The following RFX3 variants were observed in gnomAD, a reference collection of about 807,000 sequenced individuals.
RFX3 encodes regulatory factor X3, also known as transcription factor RFX3.
Under a neutral mutation model 98.6 loss-of-function variants are expected in RFX3, and 14 were observed. The observed-to-expected ratio is 0.14, with a 90% confidence interval of 0.09 to 0.22. The LOEUF is 0.22. Among genes scored for constraint, RFX3 ranks in the 10% least tolerant of loss-of-function variants. RFX3 has a pLI of 1.00. For missense variants in RFX3, 639 were observed against 926.9 expected (o/e 0.69, Z 4.03); for synonymous variants, 383 against 328.4 (o/e 1.17, Z -1.80).
intron 5 of RFX3, among the ~76,000 whole-genome samples, chr9:3,297,863 A>T (rs1161278284): frequency 1.3e-5 from 2 of 152,050 alleles, no homozygotes; most frequent in East Asian, 1.9e-4. Flanking sequence ...TCATGCGATT[A>T]TTGGGAACAA....
chr9:3,279,375 G>C (rs1023608046), intron 7 of RFX3, among the ~76,000 whole-genome samples: 3 of 151,740 alleles, frequency 2.0e-5, no homozygotes, highest in Non-Finnish European at 4.4e-5. Context: ...GATTCACAGA[G>C]CTTGAATAAA....
chr9:3,336,319 T>C (rs564845339), intron 3 of RFX3, among the ~76,000 whole-genome samples: 1 of 152,070 alleles, frequency 6.6e-6, no homozygotes, highest in East Asian at 1.9e-4. Context: ...TCTACTATTA[T>C]TAGGGCTACG....
At chr9:3,319,149 G>A (rs1830971477) in intron 4 of RFX3, among the ~76,000 whole-genome samples, 1 of 152,216 alleles carries the variant, frequency 6.6e-6, no homozygotes. Context: ...TTTGTAGTTA[G>A]TCTCCGTAAT....
At chr9:3,327,184 G>A (rs1234364634) in intron 4 of RFX3, among the ~76,000 whole-genome samples, 2 of 151,766 alleles carry the variant, frequency 1.3e-5, no homozygotes, top group Non-Finnish European at 2.9e-5. Context: ...CCCATTTAAT[G>A]GCATGGCATC....
chr9:3,408,478 G>A (rs1358024971), intron 1 of RFX3, among the ~76,000 whole-genome samples: 5 of 152,006 alleles, frequency 3.3e-5, no homozygotes, highest in African/African-American at 1.2e-4. Context: ...TTTGTTACAA[G>A]GATCGGTCAA....
rs373954696 is a variant in RFX3 at position 3,368,927 on chromosome 9, T to A, written c.118-22163A>T. On this transcript the variant is annotated intron_variant, in intron 2 of 16. Coordinates refer to ENST00000617270, the MANE Select transcript of RFX3 (RefSeq NM_001282116.2). ...AATTTTATTTTGTAAGTAAGCTCCA[T>A]AAAGTCAGGAACAATGTCTATTTCT... Among the ~76,000 whole-genome samples the A allele has an allele frequency of 1.3e-3, 198 of 152,354 alleles. 1 individual carries two copies. Among genetic ancestry groups the A allele is most frequent in the African/African-American group, 4.5e-3 (188 of 41,588 alleles).
intron 2 of RFX3, among the ~76,000 whole-genome samples, chr9:3,361,758 G>A (rs1836487137): frequency 6.6e-6 from 1 of 151,132 alleles, no homozygotes; most frequent in South Asian, 2.1e-4. Flanking sequence ...GACCAGCCTA[G>A]ACAACATAGG....
intron 1 of RFX3, among the ~76,000 whole-genome samples, chr9:3,401,535 T>C (rs1389938154): frequency 2.0e-5 from 3 of 152,244 alleles, no homozygotes; most frequent in East Asian, 1.9e-4. Context: ...TCAAGTGATA[T>C]TTGTTTATCA....
rs1352802649 is a variant in RFX3 at position 3,218,383 on chromosome 9, C to G, written c.*6659G>C. ...AAACACAAGAAAGCTAGCCTGAGTT[C>G]AAGTCTGAAATATTCAGAAAAATCC... On this transcript the variant is annotated 3_prime_UTR_variant, in exon 17 of 17. Transcript: ENST00000617270. The G allele has an allele frequency of 1.3e-5, 2 of 152,112 alleles. No homozygotes were observed. The highest frequency in any genetic ancestry group is 2.9e-5 in the Non-Finnish European group (2 of 67,994). 9.4% of individuals were successfully genotyped at this position (152,112 alleles called of 1,614,324 possible).
intron 1 of RFX3, among the ~76,000 whole-genome samples, chr9:3,423,791 ATATATATATATAT>A (rs1564081649): frequency 2.4e-5 from 3 of 124,514 alleles, no homozygotes; most frequent in African/African-American, 1.4e-4. Context: ...ATATATATAT[ATATATATATATAT>A]ATATATATCT....
rs751118867 is a variant in RFX3, at chr9:3,223,570, T to C, written c.*1472A>G. ...TGCTATTCCACACCCTTAAGCAATC[T>C]GATTTGTAATCAAGTAATATTCAGC... On this transcript the variant is annotated 3_prime_UTR_variant, in exon 17 of 17. Coordinates refer to ENST00000617270, the MANE Select transcript of RFX3 (RefSeq NM_001282116.2). 1.3e-5 allele frequency: 2 copies of C among 152,262 alleles called. No individual in the cohort carries two copies. The highest frequency in any genetic ancestry group is 2.4e-5 in the African/African-American group (1 of 41,476). 9.4% of individuals were successfully genotyped at this position (152,262 alleles called of 1,614,324 possible). A position where few individuals can be genotyped will look rare whatever the true frequency, so the allele number is the denominator to read the frequency against.
intron 14 of RFX3, among the ~76,000 whole-genome samples, chr9:3,252,691 T>C (rs1486447696): frequency 1.3e-5 from 2 of 152,098 alleles, no homozygotes; most frequent in African/African-American, 4.8e-5. Context: ...TAGGCCATGA[T>C]AAGGCCTTTG....
chr9:3,417,400 A>G (rs1414156737), intron 1 of RFX3, among the ~76,000 whole-genome samples: 2 of 152,112 alleles, frequency 1.3e-5, no homozygotes, highest in East Asian at 1.9e-4. Context: ...CACACAAAAC[A>G]TTTAAGAAGA....
At chr9:3,414,634 ATATATATGAGTATATATATG>A (rs1182154898) in intron 1 of RFX3, among the ~76,000 whole-genome samples, 3 of 146,774 alleles carry the variant, frequency 2.0e-5, no homozygotes, top group Non-Finnish European at 3.0e-5. Context: ...ACGAGTGTAT[ATATATATGAGTATATATATG>A]TATATATGAG....
At chr9:3,278,587 G>C (rs776381354) in intron 7 of RFX3, among the ~76,000 whole-genome samples, 9 of 151,680 alleles carry the variant, frequency 5.9e-5, no homozygotes, top group Non-Finnish European at 1.0e-4. Flanking sequence ...ATGTGAACAG[G>C]ACATACTCAA....
intron 15 of RFX3, among the ~76,000 whole-genome samples, chr9:3,244,234 G>C (rs1177255094): frequency 6.6e-6 from 1 of 152,022 alleles, no homozygotes; most frequent in Non-Finnish European, 1.5e-5. Context: ...TCAAACTCCT[G>C]ACCTCAGGTG....
At chr9:3,438,519 G>C (rs1480395327) in intron 1 of RFX3, among the ~76,000 whole-genome samples, 1 of 151,790 alleles carries the variant, frequency 6.6e-6, no homozygotes, top group Non-Finnish European at 1.5e-5. Context: ...GATGACAAAA[G>C]GAACCATATC....
chr9:3,414,532 TGTGTATATATATGA>T (rs941230452), intron 1 of RFX3, among the ~76,000 whole-genome samples: 53 of 150,212 alleles, frequency 3.5e-4, no homozygotes, highest in African/African-American at 1.3e-3. Context: ...TATGTGTGTG[TGTGTATATATATGA>T]GTGTGTATAT....
chr9:3,276,901 T>A (rs1586845422), intron 8 of RFX3, among the ~76,000 whole-genome samples: 1 of 152,104 alleles, frequency 6.6e-6, no homozygotes, highest in Admixed American at 6.6e-5. Flanking sequence ...AAATAGAAAG[T>A]ACTGTGATTA....
Sources: gnomAD v4.1 joint callset for allele counts (sites outside exome capture counted in the v4.1 genomes callset) on GRCh38, gnomAD v4.1.1 for gene constraint, MANE v1.5 for transcripts, NCBI Gene and HGNC (gene_info 2026-07-23, HGNC 2026-07-21) for gene names.